PRKN: variants seen among roughly 807,000 people sequenced by gnomAD.
PRKN encodes E3 ubiquitin-protein ligase parkin.
Under a neutral mutation model 59.5 loss-of-function variants are expected in PRKN, and 56 were observed. That is an observed-to-expected ratio of 0.94 (90% CI 0.76 to 1.18). The LOEUF (loss-of-function observed/expected upper bound fraction) is 1.18. Ranked by LOEUF, PRKN falls within the 50% of genes most tolerant of loss-of-function variation. The pLI is 0.00. For missense variants in PRKN, 657 were observed against 596.4 expected, an observed-to-expected ratio of 1.10 and a Z score of -1.06; for synonymous variants, 250 against 222.1, an observed-to-expected ratio of 1.13 and a Z score of -1.12.
intron 5 of PRKN, among the ~76,000 whole-genome samples, chr6:162,031,804 A>G (rs1456915364): frequency 6.6e-6 from 1 of 152,200 alleles, no homozygotes; most frequent in Admixed American, 6.5e-5. Context: ...TGCTGGGATT[A>G]GAGTTGTGAG....
At chr6:162,602,309 GCAAA>G (rs1039159196) in intron 1 of PRKN, among the ~76,000 whole-genome samples, 2 of 152,188 alleles carry the variant, frequency 1.3e-5, no homozygotes, top group African/African-American at 4.8e-5. Flanking sequence ...AATGTTTCAG[GCAAA>G]CAGAGTGTCA....
At chr6:161,733,798 G>GTATATATATATATATATATA (rs10597402) in intron 7 of PRKN, among the ~76,000 whole-genome samples, 2 of 122,376 alleles carry the variant, frequency 1.6e-5, no homozygotes, top group East Asian at 2.3e-4. Flanking sequence ...ATATATATAT[G>GTATATATATATATATATATA]TATATATATA....
chr6:162,572,716 T>C (rs949292780), intron 1 of PRKN, among the ~76,000 whole-genome samples: 17 of 152,200 alleles, frequency 1.1e-4, no homozygotes, highest in African/African-American at 3.9e-4. Context: ...TCACTAGCTC[T>C]TTCAGTAAAA....
At chr6:162,000,171 T>C (rs1232667700) in intron 5 of PRKN, among the ~76,000 whole-genome samples, 4 of 152,108 alleles carry the variant, frequency 2.6e-5, no homozygotes, top group African/African-American at 9.7e-5. Flanking sequence ...AGCAGTTAAA[T>C]TGCTGGATCG....
At chr6:162,383,056 C>T (rs140171771) in intron 2 of PRKN, among the ~76,000 whole-genome samples, 5 of 152,266 alleles carry the variant, frequency 3.3e-5, no homozygotes, top group East Asian at 1.9e-4. Flanking sequence ...ACCACATCTG[C>T]GATGACTTCC....
At chr6:162,590,390 A>T (rs1781253247) in intron 1 of PRKN, among the ~76,000 whole-genome samples, 1 of 152,256 alleles carries the variant, frequency 6.6e-6, no homozygotes, top group Non-Finnish European at 1.5e-5. Flanking sequence ...AAGCAAAAGT[A>T]ATGACCTTAA....
In PRKN at chr6:162,583,843, C is replaced by A. The variant is rs187932410; in HGVS notation, c.8-140370G>T. On this transcript the variant is annotated intron_variant, in intron 1 of 11. Coordinates refer to ENST00000366898, the MANE Select transcript of PRKN (RefSeq NM_004562.3). ...AAAAGCCATACAAAAATATAACCCA[C>A]CACTATCCTCTGAAACCTTTGGAAA... Among the ~76,000 whole-genome samples, 1,260 of 152,248 alleles carry A rather than the reference C, an allele frequency of 8.3e-3. 18 individuals are homozygous for A. Among genetic ancestry groups the A allele is most frequent in the Non-Finnish European group, 8.8e-3 (599 of 68,018 alleles).
rs550909043 is a variant in PRKN at position 161,896,431 on chromosome 6, T to G, written c.734+76871A>C. Among the ~76,000 whole-genome samples the G allele has an allele frequency of 1.7e-3, 266 of 152,222 alleles. 1 individual carries two copies. Among genetic ancestry groups the G allele is most frequent in the African/African-American group, 6.2e-3 (259 of 41,512 alleles). Reference sequence around the variant, plus strand: ...GTCTATCTCCCATCAACAACCATAGTGGAATCCATTCTTCCAGCCACACCT... The same window carrying G: ...GTCTATCTCCCATCAACAACCATAGGGGAATCCATTCTTCCAGCCACACCT... On this transcript the variant is annotated intron_variant, in intron 6 of 11. Transcript: ENST00000366898.
intron 6 of PRKN, among the ~76,000 whole-genome samples, chr6:161,843,416 GTTC>G (rs1400147132): frequency 2.6e-5 from 4 of 152,124 alleles, no homozygotes; most frequent in Non-Finnish European, 5.9e-5. Flanking sequence ...TTCCACATTT[GTTC>G]TTATTTTTAT....
chr6:162,230,166 T>C (rs919416438), intron 3 of PRKN, among the ~76,000 whole-genome samples: 1 of 152,260 alleles, frequency 6.6e-6, no homozygotes, highest in African/African-American at 2.4e-5. Context: ...CAAGTAGTCA[T>C]TACATATGTA....
In PRKN at chr6:161,895,677, C is replaced by CCG. The variant is rs1392357398; in HGVS notation, c.734+77624_734+77625insCG. 8.2e-3 allele frequency among the ~76,000 whole-genome samples: 1,053 copies of CCG among 128,216 alleles called. 108 individuals are homozygous for CCG. Among genetic ancestry groups the CCG allele is most frequent in the African/African-American group, 0.033 (1,007 of 30,636 alleles). 84.1% of individuals were successfully genotyped at this position (128,216 alleles called of 152,430 possible). A position where few individuals can be genotyped will look rare whatever the true frequency, so the allele number is the denominator to read the frequency against. Reference sequence around the variant, plus strand: ...TTCAGGAGCACGCCCACCCCTCCTGCTGTTATGCCCCCCAGTGAGGCTTCT... The same window carrying CCG: ...TTCAGGAGCACGCCCACCCCTCCTGCCGTGTTATGCCCCCCAGTGAGGCTTCT... On this transcript the variant is annotated intron_variant, in intron 6 of 11. Coordinates refer to ENST00000366898, the MANE Select transcript of PRKN (RefSeq NM_004562.3).
chr6:162,391,872 A>C (rs527546740), intron 2 of PRKN, among the ~76,000 whole-genome samples: 48 of 152,288 alleles, frequency 3.2e-4, no homozygotes, highest in African/African-American at 1.1e-3. Flanking sequence ...ATTGTTTCTA[A>C]AAGGCCAACG....
intron 2 of PRKN, among the ~76,000 whole-genome samples, chr6:162,431,404 A>C (rs2128163276): frequency 6.6e-6 from 1 of 152,190 alleles, no homozygotes; most frequent in South Asian, 2.1e-4. Context: ...TTTTTCAGGA[A>C]GTATCTATAA....
intron 7 of PRKN, among the ~76,000 whole-genome samples, chr6:161,724,306 G>A (rs1369245592): frequency 6.6e-6 from 1 of 152,186 alleles, no homozygotes; most frequent in South Asian, 2.1e-4. Flanking sequence ...TTCTAAATTT[G>A]AAAGGATATA....
chr6:162,475,078 G>T (rs1791935007), intron 1 of PRKN, among the ~76,000 whole-genome samples: 1 of 152,042 alleles, frequency 6.6e-6, no homozygotes, highest in Non-Finnish European at 1.5e-5. Flanking sequence ...GCTTCACATA[G>T]AATTTGCCAC....
At chr6:161,411,050 G>A (rs533153274) in intron 9 of PRKN, among the ~76,000 whole-genome samples, 31 of 152,172 alleles carry the variant, frequency 2.0e-4, no homozygotes, top group African/African-American at 5.5e-4. Flanking sequence ...TATTATCAGC[G>A]GTGATATAAA....
chr6:162,278,203 G>C (rs545835275), intron 2 of PRKN, among the ~76,000 whole-genome samples: 1 of 152,272 alleles, frequency 6.6e-6, no homozygotes, highest in East Asian at 1.9e-4. Flanking sequence ...ATTTGAAAAG[G>C]CCACATGTTG....
intron 1 of PRKN, among the ~76,000 whole-genome samples, chr6:162,565,591 G>A (rs940691446): frequency 2.6e-5 from 4 of 152,118 alleles, no homozygotes; most frequent in Admixed American, 6.6e-5. Flanking sequence ...TCCAAAGGCT[G>A]AGGCAAGATA....
intron 1 of PRKN, among the ~76,000 whole-genome samples, chr6:162,566,002 G>A (rs1780061049): frequency 6.6e-6 from 1 of 152,080 alleles, no homozygotes; most frequent in African/African-American, 2.4e-5. Context: ...ACTATATAAT[G>A]ATAAAGGGGT....
Sources: allele counts gnomAD v4.1 joint callset (sites outside exome capture counted in the v4.1 genomes callset), GRCh38; gene constraint gnomAD v4.1.1; transcripts MANE v1.5; gene names NCBI Gene and HGNC (gene_info 2026-07-23, HGNC 2026-07-21).